Variants in CAST observed in about 807,000 individuals in gnomAD.
CAST encodes calpastatin.
In CAST, 76 loss-of-function variants were observed where a neutral mutation model predicts 119.6. The ratio of observed to expected loss-of-function variants is 0.64; its 90% CI spans 0.53 to 0.77. CAST has a LOEUF of 0.77. Among genes scored for constraint, CAST ranks in the 30% least tolerant of loss-of-function variants. The pLI is 0.00. For missense variants in CAST, 953 were observed against 946.5 expected, an observed-to-expected ratio of 1.01 and a Z score of -0.09; for synonymous variants, 319 against 331.6, an observed-to-expected ratio of 0.96 and a Z score of 0.41.
At chr5:96,195,465 A>G in the CAST span, among the ~76,000 whole-genome samples, 6 of 152,194 alleles carry the variant, frequency 3.9e-5, no homozygotes, top group African/African-American at 1.2e-4. Flanking sequence ...AGCCTTGGAA[A>G]ACAGACAAAG....
the CAST span, among the ~76,000 whole-genome samples, chr5:96,003,720 GT>G: frequency 1.3e-5 from 2 of 152,084 alleles, no homozygotes; most frequent in African/African-American, 4.8e-5. Context: ...AATTAAAATA[GT>G]TTTTTCAATG....
chr5:96,184,516 C>G, the CAST span, among the ~76,000 whole-genome samples: 1 of 152,120 alleles, frequency 6.6e-6, no homozygotes, highest in African/African-American at 2.4e-5. Context: ...CCTGACACCA[C>G]CCCAACAGGC....
the CAST span, among the ~76,000 whole-genome samples, chr5:96,198,904 G>A: frequency 1.3e-5 from 2 of 152,076 alleles, no homozygotes; most frequent in African/African-American, 4.8e-5. Context: ...GTGCTGTCAT[G>A]TCCATTTTTC....
upstream of CAST, among the ~76,000 whole-genome samples, chr5:96,524,135 G>A (rs1410602849): frequency 1.3e-5 from 2 of 152,194 alleles, no homozygotes; most frequent in Admixed American, 1.3e-4. Flanking sequence ...ACAAATGTGT[G>A]ACAGGACGAC....
the CAST span, among the ~76,000 whole-genome samples, chr5:96,143,114 T>C: frequency 6.6e-6 from 1 of 152,230 alleles, no homozygotes; most frequent in Non-Finnish European, 1.5e-5. Context: ...CAACTAAAAG[T>C]AAATTGCTGT....
At chr5:96,107,593 G>T in the CAST span, among the ~76,000 whole-genome samples, 3 of 152,110 alleles carry the variant, frequency 2.0e-5, no homozygotes, top group African/African-American at 7.2e-5. Context: ...CGAGAGATCC[G>T]CTGTTAGTCT....
chr5:96,219,586 G>A, the CAST span, among the ~76,000 whole-genome samples: 1 of 152,160 alleles, frequency 6.6e-6, no homozygotes, highest in Non-Finnish European at 1.5e-5. Context: ...CAGAAGGATT[G>A]CTTGAGCCTA....
At chr5:96,668,611 C>G (rs1004280888) in intron 1 of CAST, among the ~76,000 whole-genome samples, 2 of 152,178 alleles carry the variant, frequency 1.3e-5, no homozygotes, top group African/African-American at 4.8e-5. Context: ...TTGCCAGCCC[C>G]TGGGATAGAT....
intron 1 of CAST, among the ~76,000 whole-genome samples, chr5:96,557,564 C>T (rs944168558): frequency 7.2e-5 from 11 of 152,226 alleles, no homozygotes; most frequent in African/African-American, 2.4e-4. Context: ...CAATCCTAGT[C>T]TCTGATAAAA....
chr5:96,512,604 C>G, the CAST span, among the ~76,000 whole-genome samples: 84 of 152,164 alleles, frequency 5.5e-4, 1 homozygote, highest in South Asian at 0.017. Flanking sequence ...AATGAAAAAC[C>G]ATCATTTGAT....
At chr5:96,313,246 C>T in the CAST span, among the ~76,000 whole-genome samples, 1 of 151,972 alleles carries the variant, frequency 6.6e-6, no homozygotes, top group Non-Finnish European at 1.5e-5. Context: ...GTGTACAATT[C>T]AATGAATTTT....
chr5:96,523,357 A>G (rs552802261), upstream of CAST, among the ~76,000 whole-genome samples: 3 of 152,352 alleles, frequency 2.0e-5, no homozygotes, highest in East Asian at 3.9e-4. Flanking sequence ...CTTAAGAAAC[A>G]TGAGTTTCAT....
At chr5:96,687,514 G>A (rs1752219450) in intron 2 of CAST, among the ~76,000 whole-genome samples, 1 of 152,218 alleles carries the variant, frequency 6.6e-6, no homozygotes, top group Admixed American at 6.5e-5. Context: ...GAACTAACAA[G>A]TGAATTCTAA....
chr5:96,444,754 T>C, the CAST span, among the ~76,000 whole-genome samples: 1 of 149,680 alleles, frequency 6.7e-6, no homozygotes, highest in African/African-American at 2.6e-5. Flanking sequence ...GTTTTATTTA[T>C]TTTTTTATTT....
the CAST span, among the ~76,000 whole-genome samples, chr5:96,349,554 T>C: frequency 9.2e-5 from 14 of 152,292 alleles, no homozygotes; most frequent in African/African-American, 3.1e-4. Context: ...GCAAGACATT[T>C]ACACTTATAA....
chr5:95,995,953 G>A, the CAST span, among the ~76,000 whole-genome samples: 2 of 152,064 alleles, frequency 1.3e-5, no homozygotes, highest in African/African-American at 2.4e-5. Context: ...GTAGTAACTC[G>A]AATAGTCTAT....
chr5:96,694,634 AAAAC>A (rs539170383), intron 2 of CAST, among the ~76,000 whole-genome samples: 24 of 152,158 alleles, frequency 1.6e-4, no homozygotes, highest in Admixed American at 5.2e-4. Flanking sequence ...CCATCTCAAA[AAAAC>A]AAACAAACAA....
At chr5:95,996,287 A>G in the CAST span, among the ~76,000 whole-genome samples, 3 of 152,168 alleles carry the variant, frequency 2.0e-5, no homozygotes, top group Admixed American at 6.6e-5. Context: ...GGAATGTGAT[A>G]CTGAATCCTA....
At chr5:96,307,525 T>C in the CAST span, among the ~76,000 whole-genome samples, 1 of 152,242 alleles carries the variant, frequency 6.6e-6, no homozygotes, top group Admixed American at 6.5e-5. Flanking sequence ...GCCTGTTAGT[T>C]GATGCAGTTT....
Sources: allele counts gnomAD v4.1 joint callset (sites outside exome capture counted in the v4.1 genomes callset), GRCh38; gene constraint gnomAD v4.1.1; transcripts MANE v1.5; gene names NCBI Gene and HGNC (gene_info 2026-07-23, HGNC 2026-07-21).